The following SEC23IP variants were observed in gnomAD, a reference collection of about 807,000 sequenced individuals.
SEC23IP encodes the protein SEC23 interacting protein, also known as SEC23-interacting protein.
A neutral mutation model predicts 113.4 loss-of-function variants in SEC23IP; 70 were observed. The observed-to-expected ratio is 0.62, with a 90% CI of 0.51 to 0.75. The LOEUF (loss-of-function observed/expected upper bound fraction) is 0.75. Among genes scored for constraint, SEC23IP ranks in the 30% least tolerant of loss-of-function variants. SEC23IP has a pLI of 0.00. For synonymous variants in SEC23IP, 398 were observed against 421.0 expected (o/e 0.95, Z 0.67); for missense variants, 1,160 against 1,204.9 (o/e 0.96, Z 0.55).
chr10:119,901,796 C>G (rs766266825), intron 2 of SEC23IP, among the ~76,000 whole-genome samples: 82 of 152,136 alleles, frequency 5.4e-4, no homozygotes, highest in Non-Finnish European at 9.3e-4. Flanking sequence ...AAGCGATTCT[C>G]CTGCCTCAGC....
intron 13 of SEC23IP, among the ~76,000 whole-genome samples, chr10:119,928,964 A>T (rs1437765507): frequency 6.6e-6 from 1 of 152,160 alleles, no homozygotes; most frequent in Non-Finnish European, 1.5e-5. Flanking sequence ...ATCACATGTG[A>T]GCTTGGCATT....
At chr10:119,932,454 A>T (rs752599224) in intron 16 of SEC23IP, 136 bp downstream of exon 16, 3 of 647,952 alleles carry the variant, frequency 4.6e-6, no homozygotes, top group Non-Finnish European at 7.8e-6. Context: ...AAATCTGTTA[A>T]GATAAACTGT....
At chr10:119,918,251 C>A in intron 9 of SEC23IP, 142 bp from the exon 10 acceptor site, 1 of 677,890 alleles carries the variant, frequency 1.5e-6, no homozygotes, top group Non-Finnish European at 2.5e-6. Context: ...TTACTTTATT[C>A]TGCTGTTTGA....
chr10:119,933,261 A>G (rs1855665284), intron 17 of SEC23IP, 94 bp downstream of exon 17: 4 of 978,288 alleles, frequency 4.1e-6, no homozygotes, highest in South Asian at 3.0e-5. Context: ...TACTGATACA[A>G]TGTACTATGA....
Position 119,904,069 on chromosome 10 carries a change from A to C in SEC23IP, c.908-15A>C. On this transcript the variant is annotated splice_polypyrimidine_tract_variant and intron_variant, in intron 3 of 18. Transcript: ENST00000369075. ...CCTTGCAGCAGTTAGGAAAAGTGTT[A>C]ATTTTGTTCTCTAGTTCAGCCAGAT... 2 of 1,611,748 alleles carry C rather than the reference A, an allele frequency of 1.2e-6. No homozygotes were observed. Among genetic ancestry groups the C allele is most frequent in the Non-Finnish European group, 1.7e-6 (2 of 1,178,270 alleles).
chr10:119,920,383 A>C (rs12767411), intron 11 of SEC23IP, among the ~76,000 whole-genome samples: 1 of 152,194 alleles, frequency 6.6e-6, no homozygotes, highest in African/African-American at 2.4e-5. Flanking sequence ...TTTATGGTGC[A>C]TCCGCATAAC....
At chr10:119,937,384 G>C (rs901294485) in intron 18 of SEC23IP, among the ~76,000 whole-genome samples, 1 of 151,792 alleles carries the variant, frequency 6.6e-6, no homozygotes, top group Non-Finnish European at 1.5e-5. Context: ...CCAGCACTTT[G>C]GCAGGCCGAG....
intron 9 of SEC23IP, 84 bp from the exon 10 acceptor site, chr10:119,918,309 A>G (rs944018630): frequency 2.6e-4 from 213 of 826,958 alleles, no homozygotes; most frequent in Non-Finnish European, 4.0e-4. Context: ...CTTCTGTATG[A>G]CTTTTGACTA....
intron 13 of SEC23IP, among the ~76,000 whole-genome samples, chr10:119,929,052 G>A (rs181666544): frequency 5.0e-4 from 76 of 152,312 alleles, no homozygotes; most frequent in African/African-American, 1.8e-3. Flanking sequence ...AGGTCACACA[G>A]TGAATGAAAC....
chr10:119,910,988 CTT>C (rs202195036), intron 5 of SEC23IP, among the ~76,000 whole-genome samples: 2 of 139,952 alleles, frequency 1.4e-5, no homozygotes, highest in Admixed American at 7.2e-5. Flanking sequence ...CTTGGCTAAC[CTT>C]TTTTTTTTTT....
At chr10:119,899,933 A>T (rs200501748) in intron 2 of SEC23IP, among the ~76,000 whole-genome samples, 1 of 152,084 alleles carries the variant, frequency 6.6e-6, no homozygotes, top group East Asian at 1.9e-4. Context: ...TTGTTTTTTA[A>T]TTTGTGCATG....
chr10:119,932,664 C>A (rs902708183), intron 16 of SEC23IP, among the ~76,000 whole-genome samples: 3 of 152,196 alleles, frequency 2.0e-5, no homozygotes, highest in Middle Eastern at 3.2e-3. Flanking sequence ...CTTCCTGAAA[C>A]TGTTGTTTAA....
In SEC23IP at chr10:119,903,016, A is replaced by G. The variant is rs1035909411; in HGVS notation, c.907+7A>G. The G allele has an allele frequency of 6.2e-7, 1 of 1,601,844 alleles. No homozygotes were observed. The highest frequency in any genetic ancestry group is 8.6e-7 in the Non-Finnish European group (1 of 1,169,148). On this transcript the variant is annotated splice_region_variant and intron_variant, in intron 3 of 18. Coordinates refer to ENST00000369075, the MANE Select transcript of SEC23IP (RefSeq NM_007190.4). ...GAAGAAATCTATAATTCAGGTAAAC[A>G]TTGGTCATACATCATTCATATCTGA...
intron 2 of SEC23IP, among the ~76,000 whole-genome samples, chr10:119,899,745 T>C (rs935753286): frequency 2.6e-5 from 4 of 152,212 alleles, no homozygotes; most frequent in African/African-American, 9.6e-5. Flanking sequence ...GTTAGTATTT[T>C]TGCTAACTAT....
chr10:119,904,188 G>A lies in SEC23IP; in HGVS notation c.1012G>A (p.Ala338Thr). 6.2e-7 allele frequency: 1 copy of A among 1,614,248 alleles called. No individual in the cohort carries two copies. The highest frequency in any genetic ancestry group is 8.5e-7 in the Non-Finnish European group (1 of 1,180,042). Reference protein sequence around the residue: ...RKAAYWEEEPAEVRRCTWFYK... With the variant: ...RKAAYWEEEPTEVRRCTWFYK... ...GGCTGCCTACTGGGAAGAGGAGCCA[G>A]CCGAAGTGAGACGCTGTACTTGGTT... Residue 338 changes from alanine to threonine, a missense_variant, in exon 4 of 19, where the codon GCC becomes ACC. Ala to Thr is a moderately conservative substitution (Grantham distance 58, BLOSUM62 0). Transcript: ENST00000369075.
chr10:119,934,963 C>A (rs1410919315), intron 18 of SEC23IP, among the ~76,000 whole-genome samples: 1 of 152,102 alleles, frequency 6.6e-6, no homozygotes, highest in East Asian at 1.9e-4. Context: ...ATAGTGAAAC[C>A]CCGTCTGTAC....
chr10:119,898,731 G>A lies in SEC23IP; in HGVS notation c.468G>A (p.Leu156=), dbSNP rs765391558. The A allele has an allele frequency of 1.2e-6, 2 of 1,613,994 alleles. No homozygotes were observed. The highest frequency in any genetic ancestry group is 1.7e-5 in the Admixed American group (1 of 59,994). Residue 156 remains leucine, a synonymous_variant, in exon 2 of 19, where the codon CTG becomes CTA. Coordinates refer to ENST00000369075, the MANE Select transcript of SEC23IP (RefSeq NM_007190.4). Reference sequence around the variant, plus strand: ...CACTGATGGGAATAAATTCTTATCTGCCTTCTCAGCCAAGTAGTCTCCCTC... The same window carrying A: ...CACTGATGGGAATAAATTCTTATCTACCTTCTCAGCCAAGTAGTCTCCCTC... ...PSSLMGINSY[L]PSQPSSLPPS...
intron 4 of SEC23IP, among the ~76,000 whole-genome samples, chr10:119,905,625 G>C (rs1376884907): frequency 6.6e-6 from 1 of 152,190 alleles, no homozygotes; most frequent in Admixed American, 6.6e-5. Flanking sequence ...CATCCTGTTG[G>C]TGATCCTCTT....
At chr10:119,909,523 C>G (rs76219914) in intron 5 of SEC23IP, among the ~76,000 whole-genome samples, 1 of 152,114 alleles carries the variant, frequency 6.6e-6, no homozygotes, top group Admixed American at 6.5e-5. Context: ...GAGGTTGAGG[C>G]TGCAGTGAGT....
Sources: gnomAD v4.1 joint callset for allele counts (sites outside exome capture counted in the v4.1 genomes callset) on GRCh38, gnomAD v4.1.1 for gene constraint, MANE v1.5 for transcripts, NCBI Gene and HGNC (gene_info 2026-07-23, HGNC 2026-07-21) for gene names.